The following LRP1B variants were observed in gnomAD, a reference collection of about 807,000 sequenced individuals.
LRP1B encodes low-density lipoprotein receptor-related protein 1B.
A neutral mutation model predicts 556.6 loss-of-function variants in LRP1B; 217 were observed. The ratio of observed to expected loss-of-function variants is 0.39; its 90% CI spans 0.35 to 0.44. The LOEUF is 0.44. Among genes scored for constraint, LRP1B ranks in the 20% least tolerant of loss-of-function variants. The probability of loss-of-function intolerance (pLI) is 1.00; values close to 1 mark genes in which losing one functional copy is unlikely to be tolerated. For synonymous variants in LRP1B, 2,047 were observed against 1,865.8 expected, an observed-to-expected ratio of 1.10 and a Z score of -2.50; for missense variants, 5,053 against 5,620.8, an observed-to-expected ratio of 0.90 and a Z score of 3.23.
At chr2:141,403,916 G>T (rs1308235677) in intron 3 of LRP1B, among the ~76,000 whole-genome samples, 3 of 152,008 alleles carry the variant, frequency 2.0e-5, no homozygotes, top group African/African-American at 7.3e-5. Flanking sequence ...CATCTTAAAG[G>T]TCACTCACAT....
At chr2:140,310,913 CTA>C (rs770176172) in intron 83 of LRP1B, among the ~76,000 whole-genome samples, 13 of 151,740 alleles carry the variant, frequency 8.6e-5, no homozygotes, top group Admixed American at 2.0e-4. Flanking sequence ...CTTAATTAGA[CTA>C]AAACACTTCT....
chr2:140,724,718 T>C (rs567489598), intron 35 of LRP1B, among the ~76,000 whole-genome samples: 3 of 152,240 alleles, frequency 2.0e-5, no homozygotes, highest in East Asian at 1.9e-4. Flanking sequence ...GTTTGCTATA[T>C]AGAAAAAAAG....
chr2:140,839,142 G>A (rs1692015566), intron 31 of LRP1B, among the ~76,000 whole-genome samples: 1 of 152,144 alleles, frequency 6.6e-6, no homozygotes, highest in Non-Finnish European at 1.5e-5. Context: ...TAGTTATACT[G>A]CCACTGTAGC....
intron 85 of LRP1B, among the ~76,000 whole-genome samples, chr2:140,274,135 T>C (rs903239647): frequency 1.5e-4 from 23 of 152,014 alleles, no homozygotes; most frequent in African/African-American, 4.8e-4. Context: ...GAAAGTATGC[T>C]GAATGCCAGC....
intron 2 of LRP1B, among the ~76,000 whole-genome samples, chr2:141,561,375 A>C (rs566603404): frequency 3.3e-5 from 5 of 151,932 alleles, no homozygotes; most frequent in African/African-American, 1.2e-4. Flanking sequence ...GGCCTATTTT[A>C]TCTCTATTTG....
chr2:140,285,251 A>C (rs946740117), intron 84 of LRP1B, among the ~76,000 whole-genome samples: 1 of 150,330 alleles, frequency 6.7e-6, no homozygotes, highest in African/African-American at 2.5e-5. Context: ...ACACATATAT[A>C]TACATAGAGA....
chr2:140,853,297 TC>T, intron 27 of LRP1B, among the ~76,000 whole-genome samples: 1 of 152,148 alleles, frequency 6.6e-6, no homozygotes. Flanking sequence ...TTGCTAAGTT[TC>T]CCCAGTTTAT....
intron 66 of LRP1B, among the ~76,000 whole-genome samples, chr2:140,388,621 A>G (rs7609229): frequency 0.017 from 2,540 of 152,286 alleles, 77 homozygotes; most frequent in African/African-American, 0.059. Flanking sequence ...TATGTTTCCG[A>G]GTTATTTAAC....
At chr2:141,648,183 C>T (rs1689652019) in intron 2 of LRP1B, among the ~76,000 whole-genome samples, 1 of 152,070 alleles carries the variant, frequency 6.6e-6, no homozygotes, top group Non-Finnish European at 1.5e-5. Context: ...TGGGATAGTA[C>T]AAAGAGGCTG....
chr2:141,218,651 T>C (rs972695193), intron 6 of LRP1B, among the ~76,000 whole-genome samples: 3 of 152,248 alleles, frequency 2.0e-5, no homozygotes, highest in South Asian at 4.2e-4. Flanking sequence ...AGGGAAAAGA[T>C]TGAAAAACTA....
At chr2:141,748,157 G>A (rs1041360999) in intron 2 of LRP1B, among the ~76,000 whole-genome samples, 2 of 152,098 alleles carry the variant, frequency 1.3e-5, no homozygotes, top group Non-Finnish European at 2.9e-5. Flanking sequence ...GAGATAACTA[G>A]CAACTTATTG....
chr2:140,827,400 G>C (rs1012425440), intron 31 of LRP1B, among the ~76,000 whole-genome samples: 2 of 151,936 alleles, frequency 1.3e-5, no homozygotes, highest in African/African-American at 4.8e-5. Flanking sequence ...AAACTTATCA[G>C]AGAAAGTAAC....
intron 20 of LRP1B, 32 bp from the exon 21 acceptor site, chr2:140,923,179 G>A: frequency 1.3e-6 from 2 of 1,543,270 alleles, no homozygotes; most frequent in African/African-American, 1.4e-5. Flanking sequence ...GAGAAGCAGA[G>A]GGGGGCAAGA....
At chr2:140,920,443 G>A (rs960722200) in intron 21 of LRP1B, among the ~76,000 whole-genome samples, 71 of 151,918 alleles carry the variant, frequency 4.7e-4, no homozygotes, top group Non-Finnish European at 7.4e-4. Context: ...TCAATGTTCA[G>A]CTAACATTTT....
intron 1 of LRP1B, among the ~76,000 whole-genome samples, chr2:141,898,258 A>T (rs1699513660): frequency 6.6e-6 from 1 of 152,100 alleles, no homozygotes; most frequent in Admixed American, 6.6e-5. Context: ...AGGCTGCCGG[A>T]AAGTCATGGA....
chr2:141,822,430 T>C (rs908842763), intron 1 of LRP1B, among the ~76,000 whole-genome samples: 1 of 152,128 alleles, frequency 6.6e-6, no homozygotes, highest in Non-Finnish European at 1.5e-5. Flanking sequence ...CCCTCGTAAA[T>C]GCAAAAGAAA....
chr2:141,227,522 T>C lies in LRP1B; in HGVS notation c.850+1661A>G, dbSNP rs189106666. On this transcript the variant is annotated intron_variant, in intron 6 of 90. Transcript: ENST00000389484. ...ATTATCTGCCTTGTGCCATCCTTTA[T>C]TATTATTTAATATGAATGACCATTT... Among the ~76,000 whole-genome samples, 161 of 152,292 alleles carry C rather than the reference T, an allele frequency of 1.1e-3. 2 individuals are homozygous for C. Among genetic ancestry groups the C allele is most frequent in the Non-Finnish European group, 1.2e-3 (82 of 68,022 alleles).
intron 41 of LRP1B, among the ~76,000 whole-genome samples, chr2:140,629,702 A>G (rs552877012): frequency 6.6e-6 from 1 of 152,208 alleles, no homozygotes; most frequent in South Asian, 2.1e-4. Flanking sequence ...CTACAAACAC[A>G]TGTAAAGCAA....
intron 7 of LRP1B, among the ~76,000 whole-genome samples, chr2:141,133,071 T>G (rs916688876): frequency 1.3e-5 from 2 of 152,164 alleles, no homozygotes; most frequent in Admixed American, 1.3e-4. Context: ...TTTTTGCTAT[T>G]GTTGCTTTAT....
Sources: allele counts gnomAD v4.1 joint callset (sites outside exome capture counted in the v4.1 genomes callset), GRCh38; gene constraint gnomAD v4.1.1; transcripts MANE v1.5; gene names NCBI Gene and HGNC (gene_info 2026-07-23, HGNC 2026-07-21).